The following MNAT1 variants were observed in gnomAD, a reference collection of about 807,000 sequenced individuals.
MNAT1 encodes MNAT1 component of CDK activating kinase, also known as CDK-activating kinase assembly factor MAT1.
Under a neutral mutation model 42.0 loss-of-function variants are expected in MNAT1, and 43 were observed. That is an observed-to-expected ratio of 1.02 (90% CI 0.80 to 1.32). The LOEUF is 1.32. MNAT1 is among the 40% of genes most tolerant of loss of function. The pLI, the probability that MNAT1 is intolerant of heterozygous loss-of-function variation, is 0.00. For missense variants in MNAT1, 306 were observed against 350.4 expected, an observed-to-expected ratio of 0.87 and a Z score of 1.01; for synonymous variants, 118 against 120.0, an observed-to-expected ratio of 0.98 and a Z score of 0.11.
chr14:60,791,375 C>G (rs1406532894), intron 1 of MNAT1, among the ~76,000 whole-genome samples: 1 of 152,152 alleles, frequency 6.6e-6, no homozygotes, highest in East Asian at 1.9e-4. Flanking sequence ...GCCATCACTT[C>G]TCTACCTGTG....
chr14:60,840,709 C>T (rs2033525527), intron 6 of MNAT1, among the ~76,000 whole-genome samples: 1 of 152,044 alleles, frequency 6.6e-6, no homozygotes, highest in Non-Finnish European at 1.5e-5. Context: ...GTTGCCCAGG[C>T]TGGAGTGCAA....
chr14:60,963,231 C>T (rs1312412498), intron 7 of MNAT1, among the ~76,000 whole-genome samples: 9 of 152,130 alleles, frequency 5.9e-5, no homozygotes, highest in African/African-American at 1.9e-4. Context: ...CTGCCCACCT[C>T]GCCCTCCCAA....
At chr14:60,841,465 A>ACACATACAACACATAAAGTTGTGTGTG (rs1566789770) in intron 6 of MNAT1, among the ~76,000 whole-genome samples, 3 of 151,990 alleles carry the variant, frequency 2.0e-5, no homozygotes, top group African/African-American at 4.8e-5. Flanking sequence ...TGTGTTTTTA[A>ACACATACAACACATAAAGTTGTGTGTG]TCTTTAGATG....
At position 60,872,865 on chromosome 14, in the gene MNAT1, CACACAT is replaced by C. The variant is rs1204583431; in HGVS notation, c.688-6847_688-6842del. 2.2e-3 allele frequency among the ~76,000 whole-genome samples: 322 copies of C among 147,184 alleles called. 1 individual carries two copies. Among genetic ancestry groups the C allele is most frequent in the Middle Eastern group, 7.0e-3 (2 of 286 alleles). Reference sequence around the variant, plus strand: ...ACACACACACACACACACACACACACACACATATATATATGCACTTTTTTTCCCCTG... The same window carrying C: ...ACACACACACACACACACACACACACATATATATGCACTTTTTTTCCCCTG... On this transcript the variant is annotated intron_variant, in intron 6 of 7. Coordinates refer to ENST00000261245, the MANE Select transcript of MNAT1 (RefSeq NM_002431.4).
intron 1 of MNAT1, among the ~76,000 whole-genome samples, chr14:60,747,716 T>TA (rs1216065934): frequency 6.6e-6 from 1 of 152,156 alleles, no homozygotes; most frequent in Non-Finnish European, 1.5e-5. Flanking sequence ...ACTAAATTTA[T>TA]AAAAAAATTT....
chr14:60,864,704 T>G (rs1413842131), intron 6 of MNAT1, among the ~76,000 whole-genome samples: 1 of 152,042 alleles, frequency 6.6e-6, no homozygotes, highest in Non-Finnish European at 1.5e-5. Flanking sequence ...ATCAAGTCAG[T>G]GTCTTAAATA....
chr14:60,809,904 A>G (rs572216996), intron 4 of MNAT1, among the ~76,000 whole-genome samples: 5 of 152,146 alleles, frequency 3.3e-5, no homozygotes, highest in South Asian at 2.1e-4. Flanking sequence ...TCCCTCTTCA[A>G]TTTTTTAGAA....
intron 6 of MNAT1, among the ~76,000 whole-genome samples, chr14:60,826,324 T>C (rs1165745119): frequency 2.1e-5 from 3 of 145,902 alleles, no homozygotes; most frequent in South Asian, 2.2e-4. Flanking sequence ...TTTTTTTTTT[T>C]TTTTTTTTTT....
chr14:60,946,588 C>T (rs1275741314), intron 7 of MNAT1, among the ~76,000 whole-genome samples: 3 of 151,806 alleles, frequency 2.0e-5, no homozygotes, highest in African/African-American at 4.8e-5. Context: ...TCTTCTTCCT[C>T]TGCTAAAGTT....
intron 7 of MNAT1, among the ~76,000 whole-genome samples, chr14:60,936,013 G>GC (rs910475159): frequency 6.6e-6 from 1 of 152,098 alleles, no homozygotes; most frequent in African/African-American, 2.4e-5. Flanking sequence ...CTGCTAACAG[G>GC]CCCCCAACCT....
At chr14:60,951,707 G>T (rs997193770) in intron 7 of MNAT1, among the ~76,000 whole-genome samples, 3 of 151,840 alleles carry the variant, frequency 2.0e-5, no homozygotes, top group Non-Finnish European at 4.4e-5. Flanking sequence ...TTGTGGATGT[G>T]TCAGTCCTGC....
intron 6 of MNAT1, among the ~76,000 whole-genome samples, chr14:60,848,470 A>G (rs2033734942): frequency 1.3e-5 from 2 of 152,162 alleles, no homozygotes; most frequent in African/African-American, 4.8e-5. Context: ...TACAGCCTGA[A>G]TTTATTTTTA....
intron 1 of MNAT1, among the ~76,000 whole-genome samples, chr14:60,762,775 A>G (rs1483144170): frequency 2.0e-5 from 3 of 149,216 alleles, no homozygotes; most frequent in Non-Finnish European, 4.4e-5. Flanking sequence ...TCCTTCCCTT[A>G]CATTATGGTA....
chr14:60,869,706 C>T (rs1399722235), intron 6 of MNAT1, among the ~76,000 whole-genome samples: 1 of 152,122 alleles, frequency 6.6e-6, no homozygotes, highest in Non-Finnish European at 1.5e-5. Context: ...AAACCATATA[C>T]TGATTGGTAT....
At chr14:60,901,867 G>T (rs1289780290) in intron 7 of MNAT1, among the ~76,000 whole-genome samples, 1 of 152,182 alleles carries the variant, frequency 6.6e-6, no homozygotes, top group Non-Finnish European at 1.5e-5. Context: ...TGGTGAAGAT[G>T]CTGTGAACAT....
intron 6 of MNAT1, among the ~76,000 whole-genome samples, chr14:60,842,915 G>A (rs1164406138): frequency 1.3e-5 from 2 of 152,144 alleles, no homozygotes; most frequent in Non-Finnish European, 2.9e-5. Flanking sequence ...GCTAGCCCAG[G>A]AAAAGATCAA....
chr14:60,816,155 C>A (rs1218386364), intron 5 of MNAT1, among the ~76,000 whole-genome samples: 5 of 151,966 alleles, frequency 3.3e-5, no homozygotes, highest in African/African-American at 1.2e-4. Context: ...GTTTTTGGTT[C>A]TGGTCTTTGT....
At chr14:60,889,138 C>T (rs1180621016) in intron 7 of MNAT1, among the ~76,000 whole-genome samples, 2 of 152,176 alleles carry the variant, frequency 1.3e-5, no homozygotes, top group Non-Finnish European at 2.9e-5. Context: ...GCCCGCATCG[C>T]TGAGTCAATT....
rs1325538464 is a variant in MNAT1 at position 60,969,657 on chromosome 14, A to G, written c.*1308A>G. 1 of 152,038 alleles carries G rather than the reference A, an allele frequency of 6.6e-6. No homozygotes were observed. The highest frequency in any genetic ancestry group is 1.5e-5 in the Non-Finnish European group (1 of 67,986). The allele number at this position is 152,038 out of a possible 1,614,324, so 9.4% of individuals were successfully genotyped here. A position where few individuals can be genotyped will look rare whatever the true frequency, so the allele number is the denominator to read the frequency against. ...GACTGCATATCCTATTCCTGTATCTATTAGGTATTCCCGAACTGAGGATTA... is the reference window on the plus strand; with the variant it reads ...GACTGCATATCCTATTCCTGTATCTGTTAGGTATTCCCGAACTGAGGATTA... On this transcript the variant is annotated 3_prime_UTR_variant, in exon 8 of 8. Transcript: ENST00000261245.
Sources: gnomAD v4.1 joint callset for allele counts (sites outside exome capture counted in the v4.1 genomes callset) on GRCh38, gnomAD v4.1.1 for gene constraint, MANE v1.5 for transcripts, NCBI Gene and HGNC (gene_info 2026-07-23, HGNC 2026-07-21) for gene names.